The following ERC2 variants were observed in gnomAD, a reference collection of about 807,000 sequenced individuals.
ERC2 encodes ERC protein 2.
Under a neutral mutation model 114.8 loss-of-function variants are expected in ERC2, and 42 were observed. That is an observed-to-expected ratio of 0.37 (90% CI 0.29 to 0.47). ERC2 has a LOEUF of 0.47. Among genes scored for constraint, ERC2 ranks in the 20% least tolerant of loss-of-function variants. The probability of loss-of-function intolerance (pLI) is 0.99; values close to 1 mark genes in which losing one functional copy is unlikely to be tolerated. For synonymous variants in ERC2, 454 were observed against 425.5 expected, an observed-to-expected ratio of 1.07 and a Z score of -0.82; for missense variants, 939 against 1,150.7, an observed-to-expected ratio of 0.82 and a Z score of 2.66.
intron 6 of ERC2, among the ~76,000 whole-genome samples, chr3:56,105,689 G>A (rs889151508): frequency 6.6e-6 from 1 of 152,192 alleles, no homozygotes; most frequent in Non-Finnish European, 1.5e-5. Context: ...TAGAGAGGCA[G>A]TGGGAGAAGC....
intron 14 of ERC2, among the ~76,000 whole-genome samples, chr3:55,870,437 G>C (rs556723131): frequency 2.1e-4 from 32 of 152,312 alleles, no homozygotes; most frequent in Admixed American, 1.3e-3. Flanking sequence ...ATGTTAAGTA[G>C]ATTTATTAAG....
chr3:56,230,154 C>T (rs929881679), intron 3 of ERC2, among the ~76,000 whole-genome samples: 1 of 151,976 alleles, frequency 6.6e-6, no homozygotes, highest in Admixed American at 6.6e-5. Context: ...GCATGAGCAA[C>T]CATGCCTGGC....
intron 14 of ERC2, among the ~76,000 whole-genome samples, chr3:55,885,124 G>A (rs1395361975): frequency 6.6e-6 from 1 of 152,150 alleles, no homozygotes; most frequent in Non-Finnish European, 1.5e-5. Context: ...TTGGAAACTG[G>A]GTAGACCTGA....
intron 17 of ERC2, among the ~76,000 whole-genome samples, chr3:55,666,691 G>T (rs7634244): frequency 0.56 from 85,142 of 151,470 alleles, 25,659 homozygotes; most frequent in Non-Finnish European, 0.65. Context: ...GGCCAGGGAC[G>T]CTGCTAAGTA....
intron 13 of ERC2, among the ~76,000 whole-genome samples, chr3:55,908,196 G>A (rs192226566): frequency 2.3e-3 from 346 of 152,174 alleles, no homozygotes; most frequent in Non-Finnish European, 3.9e-3. Context: ...ATCAAAAGAA[G>A]CAAACATATC....
At chr3:55,973,353 C>T (rs2069321742) in intron 12 of ERC2, among the ~76,000 whole-genome samples, 1 of 152,198 alleles carries the variant, frequency 6.6e-6, no homozygotes, top group Admixed American at 6.5e-5. Flanking sequence ...GCCACTTCCA[C>T]ACCTAAGTGC....
rs115694746 is a variant in ERC2 at position 56,066,108 on chromosome 3, T to C, written c.1641+14709A>G. ...CAAACAGTATTTCTGGTTCTAGATC[T>C]TTGAGGAATCACCACTGTCTCCCAC... On this transcript the variant is annotated intron_variant, in intron 7 of 17. Coordinates refer to ENST00000288221, the MANE Select transcript of ERC2 (RefSeq NM_015576.3). Among the ~76,000 whole-genome samples, 1,137 of 152,288 alleles carry C rather than the reference T, an allele frequency of 7.5e-3. 13 individuals carry two copies. Among genetic ancestry groups the C allele is most frequent in the African/African-American group, 0.026 (1,071 of 41,554 alleles).
At chr3:55,901,928 G>A (rs1014343465) in intron 13 of ERC2, among the ~76,000 whole-genome samples, 2 of 152,218 alleles carry the variant, frequency 1.3e-5, no homozygotes, top group African/African-American at 4.8e-5. Flanking sequence ...ATCAGGATAT[G>A]AAATTGACTT....
At chr3:56,027,340 G>A (rs1560046470) in intron 7 of ERC2, among the ~76,000 whole-genome samples, 1 of 152,192 alleles carries the variant, frequency 6.6e-6, no homozygotes, top group Non-Finnish European at 1.5e-5. Flanking sequence ...TGCTACCAGA[G>A]TGCAACTGCT....
At chr3:55,842,712 T>TA (rs113249309) in intron 14 of ERC2, among the ~76,000 whole-genome samples, 18,377 of 150,506 alleles carry the variant, frequency 0.12, 2,051 homozygotes, top group African/African-American at 0.3. Context: ...TAGACTCAGT[T>TA]AAAAAAAAAG....
At chr3:56,010,257 A>G (rs2072811675) in intron 9 of ERC2, among the ~76,000 whole-genome samples, 192 bp downstream of exon 9, 1 of 151,740 alleles carries the variant, frequency 6.6e-6, no homozygotes, top group Non-Finnish European at 1.5e-5. Context: ...AGATAGGCAT[A>G]GGGCATCACA....
chr3:56,440,131 A>G (rs552193491), intron 1 of ERC2, among the ~76,000 whole-genome samples: 2 of 152,252 alleles, frequency 1.3e-5, no homozygotes, highest in Non-Finnish European at 2.9e-5. Flanking sequence ...AAATACAAAT[A>G]TGCATAAAGC....
chr3:55,834,858 C>G (rs2149198490), intron 14 of ERC2, among the ~76,000 whole-genome samples: 1 of 139,668 alleles, frequency 7.2e-6, no homozygotes, highest in Non-Finnish European at 1.5e-5. Flanking sequence ...ACTAGCAAGA[C>G]TAATAAAGAA....
rs138811759 is a variant in ERC2, at chr3:56,243,326, T to C, written c.1074+52693A>G. On this transcript the variant is annotated intron_variant, in intron 3 of 17. Coordinates refer to ENST00000288221, the MANE Select transcript of ERC2 (RefSeq NM_015576.3). ...AGAGTGTTCTTAGACTTAATCTCTT[T>C]AGACTCATTTCAAAGTGAACACAGA... Among the ~76,000 whole-genome samples the C allele has an allele frequency of 2.0e-5, 3 of 152,326 alleles. No homozygotes were observed. The East Asian group carries it at 5.8e-4, about 29-fold the overall frequency.
chr3:56,172,032 CTT>C (rs71939591), intron 4 of ERC2, among the ~76,000 whole-genome samples: 4,522 of 140,268 alleles, frequency 0.032, 138 homozygotes, highest in Non-Finnish European at 0.046. Context: ...CATTTTTCCT[CTT>C]TTTTTTTTTT....
chr3:55,962,046 T>C (rs2068423036), intron 12 of ERC2, among the ~76,000 whole-genome samples: 1 of 152,160 alleles, frequency 6.6e-6, no homozygotes, highest in South Asian at 2.1e-4. Flanking sequence ...TGAGTACTGT[T>C]AGCTGGTGCT....
At chr3:55,989,819 T>C (rs1026340550) in intron 11 of ERC2, among the ~76,000 whole-genome samples, 6 of 152,194 alleles carry the variant, frequency 3.9e-5, no homozygotes, top group Non-Finnish European at 5.9e-5. Flanking sequence ...ACAGTGAGCA[T>C]AGAATATACA....
chr3:56,462,535 C>T (rs1172653215), intron 1 of ERC2, among the ~76,000 whole-genome samples: 2 of 152,180 alleles, frequency 1.3e-5, no homozygotes, highest in Non-Finnish European at 2.9e-5. Context: ...ATCCAGATGC[C>T]TCCTAAATCT....
intron 14 of ERC2, among the ~76,000 whole-genome samples, chr3:55,789,871 G>T (rs1399024180): frequency 6.6e-6 from 1 of 152,166 alleles, no homozygotes; most frequent in Non-Finnish European, 1.5e-5. Context: ...AATGTGATGT[G>T]ATTTGGCAGC....
Sources: allele counts gnomAD v4.1 joint callset (sites outside exome capture counted in the v4.1 genomes callset), GRCh38; gene constraint gnomAD v4.1.1; transcripts MANE v1.5; gene names NCBI Gene and HGNC (gene_info 2026-07-23, HGNC 2026-07-21).